The following FARS2 variants were observed in gnomAD, a reference collection of about 807,000 sequenced individuals.
FARS2 encodes phenylalanyl-tRNA synthetase 2, mitochondrial.
In FARS2, 40 loss-of-function variants were observed where a neutral mutation model predicts 46.4. The ratio of observed to expected loss-of-function variants is 0.86; its 90% CI spans 0.67 to 1.12. The LOEUF is 1.12. FARS2 is among the 50% of genes most tolerant of loss of function. FARS2 has a pLI of 0.00. For missense variants in FARS2, 513 were observed against 567.9 expected (o/e 0.90, Z 0.98); for synonymous variants, 234 against 214.9 (o/e 1.09, Z -0.78).
intron 4 of FARS2, among the ~76,000 whole-genome samples, chr6:5,450,065 G>A (rs951153398): frequency 6.6e-6 from 1 of 152,168 alleles, no homozygotes; most frequent in Non-Finnish European, 1.5e-5. Flanking sequence ...ACCCACAGTT[G>A]GTTAAAAACA....
At chr6:5,463,279 A>G (rs1263866692) in intron 4 of FARS2, among the ~76,000 whole-genome samples, 6 of 152,246 alleles carry the variant, frequency 3.9e-5, no homozygotes, top group African/African-American at 1.4e-4. Flanking sequence ...CCTAGTACAT[A>G]TAAATATGAT....
At chr6:5,712,795 A>G (rs1759262843) in intron 6 of FARS2, among the ~76,000 whole-genome samples, 1 of 152,218 alleles carries the variant, frequency 6.6e-6, no homozygotes, top group Admixed American at 6.5e-5. Context: ...CTGCACTCAC[A>G]CTGCCAAATC....
rs796768184 is a variant in FARS2 at position 5,355,374 on chromosome 6, GT to G, written c.-21-13160del. 4.6e-3 allele frequency among the ~76,000 whole-genome samples: 603 copies of G among 131,664 alleles called. 2 individuals are homozygous for G. Among genetic ancestry groups the G allele is most frequent in the African/African-American group, 0.012 (425 of 35,398 alleles). The allele number at this position is 131,664 out of a possible 152,430, so 86.4% of individuals were successfully genotyped here. On this transcript the variant is annotated intron_variant, in intron 1 of 6. Transcript: ENST00000274680. ...TTACTTTTTTTAGGTTTTCCTTTTT[GT>G]TTTTTTTTTTTTTTTGAGACAGTCT... is the stretch of plus-strand genomic sequence containing the variant.
chr6:5,613,148 T>C, intron 5 of FARS2, 21 bp from the exon 6 acceptor site: 1 of 1,604,950 alleles, frequency 6.2e-7, no homozygotes, highest in Non-Finnish European at 8.5e-7. Context: ...TCATGTATCT[T>C]TTCTCCTCTT....
intron 6 of FARS2, among the ~76,000 whole-genome samples, chr6:5,690,852 G>T (rs1331986253): frequency 6.6e-6 from 1 of 152,082 alleles, no homozygotes; most frequent in African/African-American, 2.4e-5. Context: ...ACATAGATTT[G>T]GTCTTTTCAC....
At chr6:5,566,665 GA>G (rs1286142044) in intron 5 of FARS2, among the ~76,000 whole-genome samples, 1 of 152,168 alleles carries the variant, frequency 6.6e-6, no homozygotes, top group Admixed American at 6.6e-5. Context: ...CAAGATTCAA[GA>G]AGAGAAAAAC....
At chr6:5,260,689 C>T, upstream of FARS2, 15 of 1,550,434 alleles carry the variant, frequency 9.7e-6, no homozygotes, top group Non-Finnish European at 1.2e-5. Flanking sequence ...CTCTCAGCAT[C>T]GCCCGGTACA....
chr6:5,290,680 G>A (rs1206830271), intron 1 of FARS2, among the ~76,000 whole-genome samples: 2 of 152,102 alleles, frequency 1.3e-5, no homozygotes, highest in African/African-American at 4.8e-5. Flanking sequence ...TCCCCCTGGG[G>A]GTGGCTTTAA....
intron 5 of FARS2, among the ~76,000 whole-genome samples, chr6:5,603,277 T>G (rs1774645560): frequency 6.6e-6 from 1 of 152,152 alleles, no homozygotes; most frequent in Non-Finnish European, 1.5e-5. Context: ...TGTATTTTTT[T>G]GTTAAAATGG....
At chr6:5,622,784 A>G (rs1775840389) in intron 6 of FARS2, among the ~76,000 whole-genome samples, 1 of 152,332 alleles carries the variant, frequency 6.6e-6, no homozygotes, top group East Asian at 1.9e-4. Flanking sequence ...TCTATTGTGT[A>G]TTAATTACTC....
intron 6 of FARS2, among the ~76,000 whole-genome samples, chr6:5,723,469 T>C (rs1760044547): frequency 6.6e-6 from 1 of 152,146 alleles, no homozygotes; most frequent in African/African-American, 2.4e-5. Context: ...TCATCTATGA[T>C]GTGGAATAAT....
intron 2 of FARS2, among the ~76,000 whole-genome samples, chr6:5,393,645 G>A (rs1760719288): frequency 6.6e-6 from 1 of 151,490 alleles, no homozygotes; most frequent in South Asian, 2.1e-4. Flanking sequence ...GACAGACCGA[G>A]ACTCCACCTA....
intron 6 of FARS2, among the ~76,000 whole-genome samples, chr6:5,744,752 C>G (rs867280142): frequency 2.0e-5 from 3 of 152,192 alleles, no homozygotes; most frequent in African/African-American, 7.2e-5. Context: ...AGGGCAGTCC[C>G]GTGATTGGCG....
chr6:5,427,318 A>G (rs997827565), intron 3 of FARS2, among the ~76,000 whole-genome samples: 3 of 152,272 alleles, frequency 2.0e-5, no homozygotes, highest in African/African-American at 4.8e-5. Flanking sequence ...AGAAGAAAAC[A>G]GATGAATTAC....
At chr6:5,546,255 CTTTTTTTTTTT>C (rs70975919) in intron 5 of FARS2, among the ~76,000 whole-genome samples, 2 of 122,118 alleles carry the variant, frequency 1.6e-5, no homozygotes, top group Admixed American at 1.6e-4. Flanking sequence ...CAATTTTGTA[CTTTTTTTTTTT>C]TTTTTTTTTA....
chr6:5,651,454 G>C (rs909128740), intron 6 of FARS2, among the ~76,000 whole-genome samples: 9 of 152,182 alleles, frequency 5.9e-5, no homozygotes, highest in African/African-American at 2.2e-4. Context: ...ATTCTCTGGA[G>C]ATGATAAAAG....
intron 3 of FARS2, among the ~76,000 whole-genome samples, chr6:5,424,935 G>A (rs1274864102): frequency 6.6e-6 from 1 of 152,212 alleles, no homozygotes; most frequent in African/African-American, 2.4e-5. Flanking sequence ...CCCGTGGTTA[G>A]ATTGTGGTTA....
At chr6:5,621,011 T>G (rs1314640037) in intron 6 of FARS2, among the ~76,000 whole-genome samples, 1 of 152,256 alleles carries the variant, frequency 6.6e-6, no homozygotes, top group African/African-American at 2.4e-5. Flanking sequence ...CAAAGAGATG[T>G]GCCATAAATA....
intron 4 of FARS2, among the ~76,000 whole-genome samples, chr6:5,541,223 C>T (rs1003661796): frequency 6.6e-6 from 1 of 152,164 alleles, no homozygotes; most frequent in African/African-American, 2.4e-5. Context: ...TTCCAGTTCA[C>T]AAGGAGATAA....
Sources: gnomAD v4.1 joint callset for allele counts (sites outside exome capture counted in the v4.1 genomes callset) on GRCh38, gnomAD v4.1.1 for gene constraint, MANE v1.5 for transcripts, NCBI Gene and HGNC (gene_info 2026-07-23, HGNC 2026-07-21) for gene names.